UBR4: variants seen among roughly 807,000 people sequenced by gnomAD.
The protein encoded by UBR4 is ubiquitin protein ligase E3 component n-recognin 4.
In UBR4, 124 loss-of-function variants were observed where a neutral mutation model predicts 575.6. The ratio of observed to expected loss-of-function variants is 0.22; its 90% CI spans 0.19 to 0.25. UBR4 has a LOEUF of 0.25. Among genes scored for constraint, UBR4 ranks in the 10% least tolerant of loss-of-function variants. UBR4 has a pLI of 1.00. For synonymous variants in UBR4, 2,455 were observed against 2,473.7 expected (o/e 0.99, Z 0.22); for missense variants, 4,818 against 6,478.8 (o/e 0.74, Z 8.80).
intron 97 of UBR4, among the ~76,000 whole-genome samples, chr1:19,090,876 C>T (rs61766781): frequency 0.086 from 13,054 of 152,150 alleles, 661 homozygotes; most frequent in Non-Finnish European, 0.12. Flanking sequence ...GAGCGGATCA[C>T]CTGAGGTCAG....
chr1:19,148,257 G>T, intron 50 of UBR4, 130 bp from the exon 51 acceptor site: 1 of 938,754 alleles, frequency 1.1e-6, no homozygotes, highest in Non-Finnish European at 1.4e-6. Flanking sequence ...ACTGCAAAGA[G>T]AAAAAAAAAA....
At chr1:19,166,918 C>T (rs2088591171) in intron 29 of UBR4, 104 bp downstream of exon 29, 3 of 1,325,232 alleles carry the variant, frequency 2.3e-6, no homozygotes, top group South Asian at 2.6e-5. Context: ...AAACCACACA[C>T]AAAAACAATA....
Position 19,139,287 on chromosome 1 carries a change from A to G in UBR4, c.8594-67T>C. The G allele has an allele frequency of 1.3e-6, 2 of 1,526,882 alleles. No homozygotes were observed. The highest frequency in any genetic ancestry group is 1.8e-6 in the Non-Finnish European group (2 of 1,132,130). 94.6% of individuals were successfully genotyped at this position (1,526,882 alleles called of 1,614,324 possible). A position where few individuals can be genotyped will look rare whatever the true frequency, so the allele number is the denominator to read the frequency against. On this transcript the variant is annotated intron_variant, in intron 58 of 105. Coordinates refer to ENST00000375254, the MANE Select transcript of UBR4 (RefSeq NM_020765.3). The surrounding 1 kb of genome is among the most constrained non-coding windows in gnomAD (Gnocchi z 4.2). ...AAACAAACAAACAAACAAAAAACAA[A>G]AAAAACCCCTCCTTGGGATGAAAGC...
chr1:19,110,814 G>T lies in UBR4; in HGVS notation c.11820C>A (p.Thr3940=). ...CAATAATCAGGTCATTCATCTGTTG[G>T]GTGGCTTCTGGGTTGTCTCTGCAGA... is the stretch of plus-strand genomic sequence containing the variant. ...CLLTRDNPEA[T]QQMNDLIIGK... The change falls in exon 79 of 106, where the codon ACC becomes ACA. Residue 3940 remains threonine, a synonymous_variant. Transcript: ENST00000375254. This position sits in a 1 kb window ranked among gnomAD's most constrained non-coding sequence, Gnocchi z 4.5. 1 of 1,614,136 alleles carries T rather than the reference G, an allele frequency of 6.2e-7. No individual in the cohort carries two copies. The highest frequency in any genetic ancestry group is 8.5e-7 in the Non-Finnish European group (1 of 1,180,004).
At chr1:19,180,668 G>A (rs2090853010) in intron 17 of UBR4, among the ~76,000 whole-genome samples, 1 of 151,972 alleles carries the variant, frequency 6.6e-6, no homozygotes, top group Non-Finnish European at 1.5e-5. Flanking sequence ...CATATATATG[G>A]ATAAGTAACA....
At chr1:19,129,121 G>C (rs1473666181) in intron 60 of UBR4, 47 bp from the exon 61 acceptor site, 1 of 1,540,134 alleles carries the variant, frequency 6.5e-7, no homozygotes, top group Non-Finnish European at 9.0e-7. Context: ...TACTCCAACA[G>C]GACACAGCTG....
Position 19,156,921 on chromosome 1 carries a change from G to A in UBR4, c.5765C>T (p.Thr1922Ile). The A allele has an allele frequency of 6.2e-7, 1 of 1,613,434 alleles. No individual in the cohort carries two copies. The highest frequency in any genetic ancestry group is 8.5e-7 in the Non-Finnish European group (1 of 1,179,632). ...CAGGAGTGCAGAGAGCTGCAGAACG[G>A]TGATCTGCAAAGGAACAATGACTAA... ...LAVSHEKGKI[T>I]VLQLSALLKQ... Residue 1922 changes from threonine to isoleucine, a missense_variant, in exon 41 of 106, where the codon ACC becomes ATC. By Grantham distance (89) the Thr-to-Ile change is moderately conservative. Coordinates refer to ENST00000375254, the MANE Select transcript of UBR4 (RefSeq NM_020765.3).
chr1:19,176,823 T>C, intron 19 of UBR4, 96 bp from the exon 20 acceptor site: 2 of 1,376,304 alleles, frequency 1.5e-6, no homozygotes, highest in East Asian at 2.4e-5. Context: ...TGAATCTTGG[T>C]AATCTGAATG....
chr1:19,200,659 A>T (rs1333062954), intron 2 of UBR4, among the ~76,000 whole-genome samples: 1 of 152,182 alleles, frequency 6.6e-6, no homozygotes, highest in Non-Finnish European at 1.5e-5. Context: ...TTTTAAGTAT[A>T]ACTTAAAAAA....
At chr1:19,203,783 C>T (rs927582222) in intron 1 of UBR4, among the ~76,000 whole-genome samples, 1 of 152,148 alleles carries the variant, frequency 6.6e-6, no homozygotes, top group Non-Finnish European at 1.5e-5. Context: ...TATGGAGCAT[C>T]TATGATGTGT....
intron 22 of UBR4, 152 bp from the exon 23 acceptor site, chr1:19,173,773 ATCTT>A: frequency 2.7e-6 from 2 of 728,468 alleles, no homozygotes; most frequent in Non-Finnish European, 4.5e-6. Flanking sequence ...CATTCTCCAG[ATCTT>A]TCTAGAGAGT....
chr1:19,083,408 T>G (rs1044587044), intron 102 of UBR4, among the ~76,000 whole-genome samples: 1 of 152,208 alleles, frequency 6.6e-6, no homozygotes, highest in Admixed American at 6.5e-5. Flanking sequence ...GCCTAAACTG[T>G]GCTGCAGCTA....
chr1:19,176,624 A>G lies in UBR4; in HGVS notation c.2741T>C (p.Val914Ala). 6.2e-7 allele frequency: 1 copy of G among 1,613,926 alleles called. No homozygotes were observed. The highest frequency in any genetic ancestry group is 8.5e-7 in the Non-Finnish European group (1 of 1,179,980). Reference sequence around the variant, plus strand: ...GAAATGCTTAGACCAGTTTTCTTCTACTTCTTTGAATCCATGATAGAGAGG... The same window carrying G: ...GAAATGCTTAGACCAGTTTTCTTCTGCTTCTTTGAATCCATGATAGAGAGG... ...TTPLYHGFKE[V>A]EENWSKHFSS... Residue 914 changes from valine (V) to alanine (A), a missense_variant, in exon 20 of 106, where the codon GTA becomes GCA. Around this residue, in one of 29 missense-constraint regions of UBR4, gnomAD observed 1,172 missense variants for 1,259.7 expected, o/e 0.93. Coordinates refer to ENST00000375254, the MANE Select transcript of UBR4 (RefSeq NM_020765.3).
chr1:19,087,773 C>T, intron 99 of UBR4, 43 bp downstream of exon 99: 1 of 1,524,974 alleles, frequency 6.6e-7, no homozygotes, highest in Non-Finnish European at 9.0e-7. Flanking sequence ...AACAAGGGGT[C>T]AGGCTGGGCC....
chr1:19,188,069 A>AATCC (rs1227916718), intron 11 of UBR4, among the ~76,000 whole-genome samples: 2 of 150,988 alleles, frequency 1.3e-5, no homozygotes, highest in African/African-American at 4.9e-5. Flanking sequence ...TAAATAAATA[A>AATCC]AACCTCCTGG....
rs1269759078 is a variant in UBR4, at chr1:19,174,173, C to G, written c.2982+146G>C. On this transcript the variant is annotated intron_variant, in intron 22 of 105. Coordinates refer to ENST00000375254, the MANE Select transcript of UBR4 (RefSeq NM_020765.3). ...ATTATCTTTAAGGTGAACATAGCTA[C>G]ACAAACTACCTAGAAATACTCAAGT... The G allele has an allele frequency of 2.7e-6, 3 of 1,127,916 alleles. No individual in the cohort carries two copies. The African/African-American group carries it at 4.7e-5, about 18-fold the overall frequency. 69.9% of individuals were successfully genotyped at this position (1,127,916 alleles called of 1,614,324 possible).
At chr1:19,197,851 G>A (rs2092553017) in intron 6 of UBR4, 40 bp from the exon 7 acceptor site, 15 of 1,611,902 alleles carry the variant, frequency 9.3e-6, no homozygotes, top group Non-Finnish European at 1.3e-5. Flanking sequence ...ACAGGCCTTT[G>A]TCTGATGCTT....
intron 59 of UBR4, among the ~76,000 whole-genome samples, chr1:19,138,539 C>T (rs999385129): frequency 2.0e-5 from 3 of 152,216 alleles, no homozygotes; most frequent in African/African-American, 7.2e-5. Context: ...TTGCTAACCA[C>T]AGACTGATAT....
chr1:19,134,086 TAAAAAA>T (rs71030132), intron 60 of UBR4, among the ~76,000 whole-genome samples: 2 of 52,510 alleles, frequency 3.8e-5, no homozygotes, highest in Non-Finnish European at 6.3e-5. Context: ...ACTCTGTCTC[TAAAAAA>T]AAAAAAAAAA....
Sources: gnomAD v4.1 joint callset for allele counts (sites outside exome capture counted in the v4.1 genomes callset) on GRCh38, gnomAD v4.1.1 for gene constraint, gnomAD v4.1.1 regional missense constraint, Gnocchi (gnomAD v3.1) non-coding constraint, MANE v1.5 for transcripts, NCBI Gene and HGNC (gene_info 2026-07-23, HGNC 2026-07-21) for gene names.